PLCXD3: variants seen among roughly 807,000 people sequenced by gnomAD.
PLCXD3 encodes phosphatidylinositol specific phospholipase C X domain containing 3.
A neutral mutation model predicts 25.5 loss-of-function variants in PLCXD3; 19 were observed. That is an observed-to-expected ratio of 0.75 (90% CI 0.52 to 1.09). The LOEUF (loss-of-function observed/expected upper bound fraction) is 1.09, where lower values mean the gene tolerates loss of function less well. PLCXD3 is among the 50% of genes least tolerant of loss of function. PLCXD3 has a pLI of 0.00. For missense variants in PLCXD3, 411 were observed against 388.1 expected, an observed-to-expected ratio of 1.06 and a Z score of -0.50; for synonymous variants, 174 against 137.6, an observed-to-expected ratio of 1.26 and a Z score of -1.85.
At chr5:41,389,982 T>C (rs1235505111) in intron 1 of PLCXD3, among the ~76,000 whole-genome samples, 2 of 152,154 alleles carry the variant, frequency 1.3e-5, no homozygotes, top group African/African-American at 4.8e-5. Flanking sequence ...AGGTCATCCC[T>C]TGTGACCCTT....
chr5:41,400,479 A>G (rs907156856), intron 1 of PLCXD3, among the ~76,000 whole-genome samples: 17 of 152,142 alleles, frequency 1.1e-4, no homozygotes, highest in African/African-American at 3.6e-4. Flanking sequence ...AATATGGTAC[A>G]TATACAGAAT....
chr5:41,418,211 G>A (rs1246150908), intron 1 of PLCXD3, among the ~76,000 whole-genome samples: 1 of 152,062 alleles, frequency 6.6e-6, no homozygotes, highest in Non-Finnish European at 1.5e-5. Context: ...ATTTGAAAGA[G>A]GAAGAAATTA....
chr5:41,471,918 TTCCCTTCCCCTCCCTTCCCC>T (rs1748175075), intron 1 of PLCXD3, among the ~76,000 whole-genome samples: 1 of 16,870 alleles, frequency 5.9e-5, no homozygotes, highest in Admixed American at 6.1e-4. Context: ...TTCCCTTCCC[TTCCCTTCCCCTCCCTTCCCC>T]TCCCCTCCCT....
intron 1 of PLCXD3, among the ~76,000 whole-genome samples, chr5:41,403,941 A>G (rs1475426206): frequency 6.6e-6 from 1 of 152,164 alleles, no homozygotes; most frequent in Admixed American, 6.5e-5. Context: ...GCCTAAATAA[A>G]ACATCTTGAT....
intron 2 of PLCXD3, among the ~76,000 whole-genome samples, chr5:41,380,632 G>A (rs1348548834): frequency 1.3e-5 from 2 of 151,998 alleles, no homozygotes; most frequent in Non-Finnish European, 2.9e-5. Context: ...TATGCCACAA[G>A]GTCACACATA....
At chr5:41,363,683 G>T (rs1580325826) in intron 2 of PLCXD3, among the ~76,000 whole-genome samples, 1 of 152,178 alleles carries the variant, frequency 6.6e-6, no homozygotes, top group Admixed American at 6.5e-5. Flanking sequence ...GCCTTCATTA[G>T]CTTTGCTCAC....
intron 1 of PLCXD3, among the ~76,000 whole-genome samples, chr5:41,403,401 G>GTTTTTTTTTTTTTTGTTTTTGTTT: frequency 5.4e-5 from 1 of 18,392 alleles, no homozygotes; most frequent in East Asian, 4.6e-4. Context: ...CTTATTTGTT[G>GTTTTTTTTTTTTTTGTTTTTGTTT]TTTTTTTTTT....
At position 41,461,338 on chromosome 5, in the gene PLCXD3, A is replaced by C. The variant is rs183738154; in HGVS notation, c.103+49086T>G. Among the ~76,000 whole-genome samples the C allele has an allele frequency of 1.9e-3, 282 of 152,094 alleles. 2 individuals carry two copies. Among genetic ancestry groups the C allele is most frequent in the African/African-American group, 6.6e-3 (273 of 41,538 alleles). On this transcript the variant is annotated intron_variant, in intron 1 of 2. Coordinates refer to ENST00000377801, the MANE Select transcript of PLCXD3 (RefSeq NM_001005473.3). ...TCTTTCTTTCTTTTTTTGGTATCCT[A>C]CTAAAGATCAGAAAATTATCCCTCC...
In PLCXD3 at chr5:41,496,448, T is replaced by C. The variant is rs1323086338; in HGVS notation, c.103+13976A>G. On this transcript the variant is annotated intron_variant, in intron 1 of 2. Coordinates refer to ENST00000377801, the MANE Select transcript of PLCXD3 (RefSeq NM_001005473.3). ...AAAATCAAAGACAAAGAAGGAATTT[T>C]TAAAATAACAGGAGAAAAGTGACTA... Among the ~76,000 whole-genome samples, 5 of 151,768 alleles carry C rather than the reference T, an allele frequency of 3.3e-5. No homozygotes were observed. The East Asian group carries it at 5.8e-4, about 18-fold the overall frequency.
chr5:41,424,236 A>G (rs1028921649), intron 1 of PLCXD3, among the ~76,000 whole-genome samples: 2 of 152,128 alleles, frequency 1.3e-5, no homozygotes, highest in African/African-American at 4.8e-5. Flanking sequence ...CTTTTCTAAT[A>G]TATACATAAA....
intron 1 of PLCXD3, among the ~76,000 whole-genome samples, chr5:41,408,961 T>C (rs946828825): frequency 1.3e-5 from 2 of 152,152 alleles, no homozygotes; most frequent in African/African-American, 2.4e-5. Context: ...ATTAACACTA[T>C]TGCCTTGGCT....
intron 2 of PLCXD3, among the ~76,000 whole-genome samples, chr5:41,314,287 A>G (rs916778865): frequency 1.3e-5 from 2 of 152,224 alleles, no homozygotes; most frequent in African/African-American, 4.8e-5. Flanking sequence ...GCACAATATA[A>G]TCAGGGCTCA....
At chr5:41,352,012 A>C (rs1218224346) in intron 2 of PLCXD3, among the ~76,000 whole-genome samples, 1 of 152,222 alleles carries the variant, frequency 6.6e-6, no homozygotes, top group Non-Finnish European at 1.5e-5. Flanking sequence ...TTTCAAAACT[A>C]TGTCATTTTT....
intron 1 of PLCXD3, 67 bp from the exon 2 acceptor site, chr5:41,382,601 C>A: frequency 1.6e-6 from 2 of 1,237,512 alleles, no homozygotes; most frequent in Non-Finnish European, 2.2e-6. Flanking sequence ...TTCTTTCCCT[C>A]TTGCAATATC....
At chr5:41,470,695 A>G (rs992338700) in intron 1 of PLCXD3, among the ~76,000 whole-genome samples, 2 of 152,218 alleles carry the variant, frequency 1.3e-5, no homozygotes, top group African/African-American at 4.8e-5. Context: ...CTATTGGCTG[A>G]GTTCCTTTAA....
At chr5:41,478,661 G>C (rs1748331794) in intron 1 of PLCXD3, among the ~76,000 whole-genome samples, 1 of 152,126 alleles carries the variant, frequency 6.6e-6, no homozygotes, top group Non-Finnish European at 1.5e-5. Flanking sequence ...TCACTCTTCA[G>C]CTAATGGAAA....
Position 41,412,533 on chromosome 5 carries a change from A to G in PLCXD3, c.104-29999T>C, listed in dbSNP as rs77990224. 1.3e-3 allele frequency among the ~76,000 whole-genome samples: 195 copies of G among 152,308 alleles called. 5 individuals carry two copies. In the East Asian group the frequency reaches 0.033, roughly 26 times the overall value. The stretch of plus-strand genomic sequence containing the variant: ...ACCTAACTTAAAAGAAGTCAAGGAC[A>G]TGAGAGCTGTTAGTGGGAAATTACA... On this transcript the variant is annotated intron_variant, in intron 1 of 2. Transcript: ENST00000377801.
intron 1 of PLCXD3, among the ~76,000 whole-genome samples, chr5:41,415,096 C>T (rs1055145437): frequency 6.6e-6 from 1 of 152,102 alleles, no homozygotes; most frequent in African/African-American, 2.4e-5. Context: ...TTTCAAGCAT[C>T]CACTGGGGAT....
At chr5:41,330,682 T>G (rs1467544138) in intron 2 of PLCXD3, among the ~76,000 whole-genome samples, 1 of 152,202 alleles carries the variant, frequency 6.6e-6, no homozygotes, top group African/African-American at 2.4e-5. Flanking sequence ...TGAACATTGA[T>G]GCAAAAATCC....
Sources: allele counts gnomAD v4.1 joint callset (sites outside exome capture counted in the v4.1 genomes callset), GRCh38; gene constraint gnomAD v4.1.1; transcripts MANE v1.5; gene names NCBI Gene and HGNC (gene_info 2026-07-23, HGNC 2026-07-21).